The following DOCK8 variants were observed in gnomAD, a reference collection of about 807,000 sequenced individuals.
DOCK8 encodes the protein dedicator of cytokinesis 8.
In DOCK8, 141 loss-of-function variants were observed where a neutral mutation model predicts 245.6. The ratio of observed to expected loss-of-function variants is 0.57; its 90% CI spans 0.50 to 0.66. DOCK8 has a LOEUF of 0.66. Ranked by LOEUF, DOCK8 falls within the 30% of genes least tolerant of loss-of-function variation. The pLI, the probability that DOCK8 is intolerant of heterozygous loss-of-function variation, is 0.00. For missense variants in DOCK8, 2,965 were observed against 2,603.4 expected (o/e 1.14, Z -3.02); for synonymous variants, 1,168 against 970.2 (o/e 1.20, Z -3.79).
chr9:283,590 T>G (rs2048685498), intron 2 of DOCK8, among the ~76,000 whole-genome samples: 2 of 152,198 alleles, frequency 1.3e-5, no homozygotes, highest in Admixed American at 1.3e-4. Flanking sequence ...TCTAGCATTC[T>G]GTGTCCATGT....
rs1342579576 is a variant in DOCK8, at chr9:404,848, G to A, written c.3235-70G>A. 3 of 1,547,048 alleles carry A rather than the reference G, an allele frequency of 1.9e-6. No homozygotes were observed. In the African/African-American group the frequency reaches 4.1e-5, roughly 21 times the overall value. The stretch of plus-strand genomic sequence containing the variant: ...TAACCTGGAGAGAAAGGATATTTTT[G>A]TGTCTGCCAACCTCAACTCCACTTA... On this transcript the variant is annotated intron_variant, in intron 26 of 47. Coordinates refer to ENST00000432829, the MANE Select transcript of DOCK8 (RefSeq NM_203447.4).
intron 1 of DOCK8, among the ~76,000 whole-genome samples, chr9:245,093 C>G (rs146881675): frequency 6.6e-6 from 1 of 152,136 alleles, no homozygotes; most frequent in African/African-American, 2.4e-5. Context: ...ATTTCAGGTC[C>G]CAGGCCCCTA....
chr9:311,558 C>T, intron 5 of DOCK8, among the ~76,000 whole-genome samples: 1 of 152,050 alleles, frequency 6.6e-6, no homozygotes, highest in East Asian at 1.9e-4. Flanking sequence ...GGCCCAGTCT[C>T]CTTTTTGTTA....
At chr9:292,296 TA>T in intron 4 of DOCK8, among the ~76,000 whole-genome samples, 1 of 123,586 alleles carries the variant, frequency 8.1e-6, no homozygotes, top group African/African-American at 3.1e-5. Context: ...CTTGATCCTC[TA>T]AAAATAGCTA....
intron 14 of DOCK8, among the ~76,000 whole-genome samples, chr9:343,249 G>T (rs1171543078): frequency 2.0e-5 from 3 of 152,076 alleles, no homozygotes; most frequent in Middle Eastern, 3.2e-3. Context: ...CTGTAACCCC[G>T]CTGCTTTGGG....
rs1293904348 is a variant in DOCK8 at position 356,338 on chromosome 9, C to G, written c.1680-11680C>G. Among the ~76,000 whole-genome samples, 8 of 152,012 alleles carry G rather than the reference C, an allele frequency of 5.3e-5. No homozygotes were observed. The East Asian group carries it at 1.5e-3, about 29-fold the overall frequency. ...GGTCAGGAGATTGAGACCATCCTGG[C>G]TAACACAGTGAAACCCCGTCTCTAC... On this transcript the variant is annotated intron_variant, in intron 14 of 47. Coordinates refer to ENST00000432829, the MANE Select transcript of DOCK8 (RefSeq NM_203447.4).
intron 1 of DOCK8, chr9:220,982 G>A (rs935282507): frequency 5.1e-6 from 1 of 197,080 alleles, no homozygotes; most frequent in Non-Finnish European, 1.1e-5. Context: ...TGGGCTCTAG[G>A]TAAACACATG....
intron 41 of DOCK8, 141 bp from the exon 42 acceptor site, chr9:441,734 T>G: frequency 1.8e-6 from 2 of 1,114,592 alleles, no homozygotes; most frequent in African/African-American, 1.6e-5. Flanking sequence ...GCATTAAATT[T>G]TTTTAAGGAG....
At chr9:389,576 A>G (rs2054095093) in intron 23 of DOCK8, among the ~76,000 whole-genome samples, 2 of 149,904 alleles carry the variant, frequency 1.3e-5, no homozygotes, top group African/African-American at 5.0e-5. Flanking sequence ...AGTGGTCCCT[A>G]AAGTGTAACC....
chr9:276,079 C>T lies in DOCK8; in HGVS notation c.156+4350C>T, dbSNP rs141444528. Among the ~76,000 whole-genome samples the T allele has an allele frequency of 3.3e-3, 508 of 151,724 alleles. 5 individuals are homozygous for T. Among genetic ancestry groups the T allele is most frequent in the African/African-American group, 0.011 (457 of 41,348 alleles). Reference sequence around the variant, plus strand: ...CTAATTTTTGTATTTTTAGTAAAGACGGGGTTTCGCCATGTTGGCCAGGCT... The same window carrying T: ...CTAATTTTTGTATTTTTAGTAAAGATGGGGTTTCGCCATGTTGGCCAGGCT... On this transcript the variant is annotated intron_variant, in intron 2 of 47. Transcript: ENST00000432829.
chr9:277,469 G>GAGA (rs1265763531), intron 2 of DOCK8, among the ~76,000 whole-genome samples: 1 of 138,532 alleles, frequency 7.2e-6, no homozygotes, highest in Admixed American at 6.9e-5. Context: ...GAGAAGAGAA[G>GAGA]AGAAGAGAAG....
At chr9:448,280 A>G (rs1052939840) in intron 44 of DOCK8, among the ~76,000 whole-genome samples, 4 of 152,246 alleles carry the variant, frequency 2.6e-5, no homozygotes, top group African/African-American at 9.6e-5. Flanking sequence ...AGAGAGATAT[A>G]TATTTTGTAA....
chr9:372,385 A>G (rs1323910249), intron 18 of DOCK8, 99 bp downstream of exon 18: 32 of 957,794 alleles, frequency 3.3e-5, no homozygotes, highest in Non-Finnish European at 5.4e-5. Context: ...ATGGATGTTC[A>G]TCATGTTCTC....
At chr9:212,452 T>A (rs1367552517), upstream of DOCK8, among the ~76,000 whole-genome samples, 2 of 151,980 alleles carry the variant, frequency 1.3e-5, no homozygotes, top group Admixed American at 1.3e-4. Flanking sequence ...CCTCCCAGAG[T>A]TCTCTCTGGA....
intron 29 of DOCK8, among the ~76,000 whole-genome samples, chr9:416,494 C>G (rs1412849619): frequency 6.6e-6 from 1 of 152,104 alleles, no homozygotes; most frequent in Non-Finnish European, 1.5e-5. Flanking sequence ...ACCTCAAAGA[C>G]TTCTTTGTAT....
At chr9:313,956 A>C (rs2050237649) in intron 6 of DOCK8, among the ~76,000 whole-genome samples, 1 of 152,228 alleles carries the variant, frequency 6.6e-6, no homozygotes, top group African/African-American at 2.4e-5. Flanking sequence ...TAAATTAATA[A>C]AGTATGAATA....
chr9:269,624 C>T (rs939101887), intron 1 of DOCK8, among the ~76,000 whole-genome samples: 1 of 146,220 alleles, frequency 6.8e-6, no homozygotes. Context: ...GGAGCAATCT[C>T]AGCTCACTGT....
chr9:263,785 G>A (rs1380560153), intron 1 of DOCK8, among the ~76,000 whole-genome samples: 1 of 152,072 alleles, frequency 6.6e-6, no homozygotes, highest in Non-Finnish European at 1.5e-5. Context: ...ATTGGTTTGT[G>A]GATTTCACTT....
Position 452,074 on chromosome 9 carries a change from C to T in DOCK8, c.6025C>T (p.His2009Tyr), listed in dbSNP as rs534366023. ...TCCTGCTGATCCAAAACTCTATCGACATCACAACAAGTTGAGGTTATGCTT... is the reference window on the plus strand; with the variant it reads ...TCCTGCTGATCCAAAACTCTATCGATATCACAACAAGTTGAGGTTATGCTT... The part of the protein sequence containing the change: ...EIPADPKLYR[H>Y]HNKLRLCFKE... Residue 2009 changes from histidine to tyrosine, a missense_variant, in exon 46 of 48, where the codon CAT (histidine) becomes TAT (tyrosine). By Grantham distance (83) the His-to-Tyr change is moderately conservative. This residue lies in a region of DOCK8 where 134 missense variants were observed against 128.1 expected (regional missense o/e 1.05). Coordinates refer to ENST00000432829, the MANE Select transcript of DOCK8 (RefSeq NM_203447.4). 5 of 1,601,946 alleles carry T rather than the reference C, an allele frequency of 3.1e-6. No individual in the cohort carries two copies. In the East Asian group the frequency reaches 9.0e-5, roughly 29 times the overall value.
Sources: allele counts gnomAD v4.1 joint callset (sites outside exome capture counted in the v4.1 genomes callset), GRCh38; gene constraint gnomAD v4.1.1; regional missense constraint gnomAD v4.1.1; transcripts MANE v1.5; gene names NCBI Gene and HGNC (gene_info 2026-07-23, HGNC 2026-07-21).